OR14A2: variants seen among roughly 807,000 people sequenced by gnomAD.
OR14A2 encodes olfactory receptor family 14 subfamily A member 2.
For missense variants in OR14A2, 237 were observed against 152.9 expected (o/e 1.55, Z -2.90); for synonymous variants, 114 against 58.6 (o/e 1.95, Z -4.32).
chr1:247,723,333 G>A (rs1484552147), exon 1 of OR14A2: 1 of 717,374 alleles, frequency 1.4e-6, no homozygotes, highest in Non-Finnish European at 2.6e-6. Flanking sequence ...GGAAGCATGT[G>A]GAAAAAGCTT....
chr1:247,735,223 C>G, the OR14A2 span, among the ~76,000 whole-genome samples: 3 of 152,144 alleles, frequency 2.0e-5, no homozygotes, highest in East Asian at 1.9e-4. Flanking sequence ...AAGAAAGATC[C>G]AAGGGAAGTG....
chr1:247,737,361 A>G, the OR14A2 span, among the ~76,000 whole-genome samples: 1 of 152,068 alleles, frequency 6.6e-6, no homozygotes, highest in Admixed American at 6.5e-5. Flanking sequence ...CAAAAATAAA[A>G]TATTTTTTAA....
At chr1:247,725,342 T>TA (rs372773682), upstream of OR14A2, among the ~76,000 whole-genome samples, 34 of 151,994 alleles carry the variant, frequency 2.2e-4, no homozygotes, top group East Asian at 3.5e-3. Context: ...GAAAATGTGG[T>TA]AGAGTGATTA....
exon 1 of OR14A2, chr1:247,723,162 G>A (rs1364601454): frequency 2.8e-6 from 2 of 717,678 alleles, no homozygotes; most frequent in Non-Finnish European, 5.2e-6. Flanking sequence ...CACATTTCAT[G>A]TCATTGTTCC....
chr1:247,733,858 G>A, the OR14A2 span, among the ~76,000 whole-genome samples: 1 of 152,164 alleles, frequency 6.6e-6, no homozygotes, highest in South Asian at 2.1e-4. Context: ...CATTAAAAAT[G>A]AAGAAGTGCA....
chr1:247,747,924 T>C, the OR14A2 span, among the ~76,000 whole-genome samples: 1 of 152,176 alleles, frequency 6.6e-6, no homozygotes, highest in African/African-American at 2.4e-5. Context: ...CTATGGTTCC[T>C]GAGAGTACCG....
the OR14A2 span, among the ~76,000 whole-genome samples, chr1:247,735,259 C>T: frequency 0.062 from 9,505 of 152,240 alleles, 316 homozygotes; most frequent in African/African-American, 0.083. Context: ...TTAAACAAAT[C>T]CATGTTTCAG....
the OR14A2 span, among the ~76,000 whole-genome samples, chr1:247,734,267 G>A: frequency 2.0e-5 from 3 of 152,274 alleles, no homozygotes; most frequent in East Asian, 5.8e-4. Context: ...GGAAGAGGCA[G>A]CAAGACAGTG....
At chr1:247,729,165 G>A in the OR14A2 span, among the ~76,000 whole-genome samples, 6 of 152,034 alleles carry the variant, frequency 3.9e-5, no homozygotes, top group African/African-American at 1.2e-4. Flanking sequence ...AAAGAAAAAT[G>A]TTTTAAATAT....
At chr1:247,731,959 T>G in the OR14A2 span, among the ~76,000 whole-genome samples, 5 of 152,270 alleles carry the variant, frequency 3.3e-5, no homozygotes, top group Admixed American at 3.3e-4. Context: ...TTGTAGAGAT[T>G]CTACATTTTA....
chr1:247,724,899 AG>A (rs992881228), upstream of OR14A2, among the ~76,000 whole-genome samples: 1 of 152,018 alleles, frequency 6.6e-6, no homozygotes, highest in Non-Finnish European at 1.5e-5. Context: ...ATCTTCTTTC[AG>A]TGTTTAAAAT....
chr1:247,728,491 G>A (rs60985615), upstream of OR14A2, among the ~76,000 whole-genome samples: 8,146 of 152,106 alleles, frequency 0.054, 311 homozygotes, highest in East Asian at 0.22. Context: ...ATAACTGGAA[G>A]CATTCCCTTT....
the OR14A2 span, chr1:247,738,843 C>G: frequency 1.3e-6 from 1 of 780,702 alleles, no homozygotes; most frequent in Admixed American, 1.7e-5. Context: ...TGCCACAGTC[C>G]CCAAATCCAT....
the OR14A2 span, among the ~76,000 whole-genome samples, chr1:247,729,206 C>T: frequency 1.3e-5 from 2 of 152,102 alleles, no homozygotes; most frequent in Non-Finnish European, 2.9e-5. Context: ...GTGATTATCT[C>T]TTAAGACCAT....
upstream of OR14A2, among the ~76,000 whole-genome samples, chr1:247,728,876 G>T (rs886981256): frequency 6.6e-6 from 1 of 152,024 alleles, no homozygotes; most frequent in Non-Finnish European, 1.5e-5. Flanking sequence ...AGTTTAATTT[G>T]TCAGTTGATT....
upstream of OR14A2, among the ~76,000 whole-genome samples, chr1:247,728,191 C>G (rs906192605): frequency 6.6e-6 from 1 of 152,050 alleles, no homozygotes; most frequent in Non-Finnish European, 1.5e-5. Context: ...TCTGGCAAAC[C>G]GAATCCAGCA....
At chr1:247,726,576 CT>C (rs1490876207), upstream of OR14A2, among the ~76,000 whole-genome samples, 1 of 124,250 alleles carries the variant, frequency 8.0e-6, no homozygotes, top group African/African-American at 3.4e-5. Flanking sequence ...GTTGCCATTG[CT>C]TTTGGTGTTT....
chr1:247,741,537 G>A, the OR14A2 span, among the ~76,000 whole-genome samples: 1 of 152,206 alleles, frequency 6.6e-6, no homozygotes, highest in Non-Finnish European at 1.5e-5. Context: ...TTTGAGAACT[G>A]AAGGCACTGG....
chr1:247,724,861 G>A (rs1448164156), upstream of OR14A2, among the ~76,000 whole-genome samples: 4 of 151,738 alleles, frequency 2.6e-5, no homozygotes, highest in East Asian at 5.8e-4. Flanking sequence ...GTCAGTTGTC[G>A]GTAATTTACT....
Sources: gnomAD v4.1 joint callset for allele counts (sites outside exome capture counted in the v4.1 genomes callset) on GRCh38, gnomAD v4.1.1 for gene constraint, MANE v1.5 for transcripts, NCBI Gene and HGNC (gene_info 2026-07-23, HGNC 2026-07-21) for gene names.